Variants in MAP4 observed in about 807,000 individuals in gnomAD.
MAP4 encodes the protein microtubule-associated protein 4.
In MAP4, 76 loss-of-function variants were observed where a neutral mutation model predicts 170.2. The observed-to-expected ratio is 0.45, with a 90% CI of 0.37 to 0.54. The LOEUF (loss-of-function observed/expected upper bound fraction) is 0.54, where lower values mean the gene tolerates loss of function less well. MAP4 is among the 20% of genes least tolerant of loss of function. MAP4 has a pLI of 0.00. For missense variants in MAP4, 2,506 were observed against 2,748.0 expected, an observed-to-expected ratio of 0.91 and a Z score of 1.97; for synonymous variants, 909 against 994.5, an observed-to-expected ratio of 0.91 and a Z score of 1.62.
chr3:48,027,643 G>A (rs940758706), intron 1 of MAP4, among the ~76,000 whole-genome samples: 42 of 152,002 alleles, frequency 2.8e-4, no homozygotes, highest in Admixed American at 2.1e-3. Flanking sequence ...CCAGGGGCTC[G>A]AGACCAGCCT....
intron 4 of MAP4, among the ~76,000 whole-genome samples, chr3:47,928,006 A>G (rs1412906092): frequency 2.0e-5 from 3 of 152,216 alleles, no homozygotes; most frequent in South Asian, 2.1e-4. Context: ...TATGAATTTC[A>G]CATAATGTAT....
chr3:47,882,110 C>G (rs2096862905), intron 10 of MAP4, among the ~76,000 whole-genome samples: 2 of 152,094 alleles, frequency 1.3e-5, no homozygotes, highest in Non-Finnish European at 2.9e-5. Context: ...GAAACCCCAT[C>G]TCTACTAAAA....
chr3:48,029,393 G>A (rs575499412), intron 1 of MAP4, among the ~76,000 whole-genome samples: 76 of 151,952 alleles, frequency 5.0e-4, no homozygotes, highest in Admixed American at 1.8e-3. Flanking sequence ...CCGAGATGGC[G>A]CCACTGAACT....
chr3:48,082,570 G>GGC (rs2100147131), intron 1 of MAP4, among the ~76,000 whole-genome samples: 1 of 152,304 alleles, frequency 6.6e-6, no homozygotes, highest in East Asian at 1.9e-4. Context: ...CGGAGGATGA[G>GGC]GCCGGTGGAC....
chr3:47,908,828 T>C (rs2100034483), intron 9 of MAP4, among the ~76,000 whole-genome samples: 1 of 152,180 alleles, frequency 6.6e-6, no homozygotes, highest in African/African-American at 2.4e-5. Context: ...AAAAAAGGCA[T>C]GCAACCAAGT....
intron 11 of MAP4, 58 bp from the exon 12 acceptor site, chr3:47,875,958 A>C: frequency 8.1e-7 from 1 of 1,231,374 alleles, no homozygotes; most frequent in Non-Finnish European, 1.2e-6. Flanking sequence ...AACATCAAAC[A>C]GACAAGAATA....
chr3:47,916,788 C>A lies in MAP4; in HGVS notation c.1039G>T (p.Asp347Tyr), dbSNP rs754284785. The A allele has an allele frequency of 6.2e-7, 1 of 1,614,080 alleles. No individual in the cohort carries two copies. The highest frequency in any genetic ancestry group is 1.3e-5 in the African/African-American group (1 of 74,912). The change falls in exon 7 of 21, where the codon GAT (aspartate) becomes TAT (tyrosine). Residue 347 changes from aspartate to tyrosine, a missense_variant. Physicochemically the swap from Asp to Tyr is radical, Grantham distance 160. This residue lies in a region of MAP4 where 2,008 missense variants were observed against 2,206.0 expected (regional missense o/e 0.91). Transcript: ENST00000683076. ...PTETEVAPAK[D>Y]VTLLKETERA... is the part of the protein sequence containing the mutation. ...TCTGTTTCTTTCAACAGTGTCACATCCTTGGCTGGGGCTACCTCTGTTTCT... is the reference window on the plus strand; with the variant it reads ...TCTGTTTCTTTCAACAGTGTCACATACTTGGCTGGGGCTACCTCTGTTTCT...
intron 1 of MAP4, among the ~76,000 whole-genome samples, chr3:48,055,514 T>TG: frequency 6.8e-6 from 1 of 146,606 alleles, no homozygotes; most frequent in South Asian, 2.3e-4. Context: ...TGCTCAATGG[T>TG]GCCCAGGCTG....
At chr3:48,016,937 C>T (rs146890590), upstream of MAP4, among the ~76,000 whole-genome samples, 7 of 152,238 alleles carry the variant, frequency 4.6e-5, no homozygotes, top group South Asian at 2.1e-4. Flanking sequence ...CACCACCATG[C>T]CTGGCTAATT....
rs796546526 is a variant in MAP4 at position 47,979,623 on chromosome 3, A to AT, written c.224-1691dup. On this transcript the variant is annotated intron_variant, in intron 2 of 20. Transcript: ENST00000683076. ...AGGCACGTGCCACCACGTCCAGCTA[A>AT]TTTTTTTTTGTATTTTTAGTAGAGA... Among the ~76,000 whole-genome samples the AT allele has an allele frequency of 1.5e-3, 229 of 150,870 alleles. 1 individual carries two copies. Among genetic ancestry groups the AT allele is most frequent in the African/African-American group, 5.1e-3 (211 of 41,112 alleles).
intron 1 of MAP4, among the ~76,000 whole-genome samples, chr3:48,030,170 T>C (rs958467128): frequency 6.6e-6 from 1 of 150,972 alleles, no homozygotes; most frequent in East Asian, 1.9e-4. Context: ...GGGAGGATCA[T>C]CTAAGGCTAA....
intron 2 of MAP4, among the ~76,000 whole-genome samples, chr3:47,987,976 C>T (rs111778997): frequency 2.0e-5 from 3 of 152,078 alleles, no homozygotes; most frequent in African/African-American, 7.2e-5. Flanking sequence ...GGGCGGATCA[C>T]GAGGTCAGGA....
Position 47,916,816 on chromosome 3 carries a change from G to A in MAP4, c.1011C>T (p.Pro337=). Residue 337 remains proline, a synonymous_variant, in exon 7 of 21, where the codon CCC becomes CCT. Coordinates refer to ENST00000683076, the MANE Select transcript of MAP4 (RefSeq NM_001385682.1). ...TGGCTGGGGCTACCTCTGTTTCTGTGGGCAGTACCACATTCTTGGCTGAAG... is the reference window on the plus strand; with the variant it reads ...TGGCTGGGGCTACCTCTGTTTCTGTAGGCAGTACCACATTCTTGGCTGAAG... ...DVSSAKNVVL[P]TETEVAPAKD... is the part of the protein sequence containing the mutation. The A allele has an allele frequency of 6.2e-7, 1 of 1,614,156 alleles. No homozygotes were observed. Among genetic ancestry groups the A allele is most frequent in the African/African-American group, 1.3e-5 (1 of 75,016 alleles).
intron 3 of MAP4, among the ~76,000 whole-genome samples, chr3:47,935,376 A>C (rs2100052136): frequency 6.6e-6 from 1 of 152,232 alleles, no homozygotes; most frequent in South Asian, 2.1e-4. Flanking sequence ...AACCAAGAGC[A>C]TATCACTTTG....
intron 11 of MAP4, 33 bp from the exon 12 acceptor site, chr3:47,875,933 T>C (rs1032164428): frequency 6.6e-6 from 10 of 1,507,478 alleles, no homozygotes; most frequent in Admixed American, 2.2e-5. Flanking sequence ...TTTTTATTTT[T>C]ATTTTTTAAA....
chr3:47,947,420 C>T lies in MAP4; in HGVS notation c.293-19070G>A, dbSNP rs117625972. 1.8e-4 allele frequency among the ~76,000 whole-genome samples: 27 copies of T among 152,284 alleles called. No homozygotes were observed. In the East Asian group the frequency reaches 5.0e-3, roughly 28 times the overall value. ...TAATCCCTGGTCCTCTCATTCAACA[C>T]TCAACCTTGGGTACCTTTCTTTCCT... On this transcript the variant is annotated intron_variant, in intron 3 of 20. Transcript: ENST00000683076.
intron 1 of MAP4, among the ~76,000 whole-genome samples, chr3:48,030,039 T>C (rs1357316434): frequency 6.8e-6 from 1 of 147,502 alleles, no homozygotes; most frequent in Admixed American, 6.8e-5. Context: ...TCATATGTAA[T>C]ATTATGTATT....
intron 1 of MAP4, among the ~76,000 whole-genome samples, chr3:48,028,299 G>A (rs915397554): frequency 1.3e-5 from 2 of 152,030 alleles, no homozygotes; most frequent in African/African-American, 4.8e-5. Context: ...CTCTGGGGGG[G>A]GAGGGAAATT....
rs1163565065 is a variant in MAP4 at position 47,916,797 on chromosome 3, G to A, written c.1030C>T (p.Pro344Ser). 6.2e-7 allele frequency: 1 copy of A among 1,614,140 alleles called. No individual in the cohort carries two copies. Among genetic ancestry groups the A allele is most frequent in the South Asian group, 1.1e-5 (1 of 91,076 alleles). Residue 344 changes from proline (P) to serine (S), a missense_variant, in exon 7 of 21, where the codon CCA becomes TCA. Pro to Ser is a moderately conservative substitution (Grantham distance 74). Around this residue, in one of 3 missense-constraint regions of MAP4, gnomAD observed 2,008 missense variants for 2,206.0 expected, o/e 0.91. Transcript: ENST00000683076. ...VVLPTETEVA[P>S]AKDVTLLKET... ...TTCAACAGTGTCACATCCTTGGCTG[G>A]GGCTACCTCTGTTTCTGTGGGCAGT...
Sources: gnomAD v4.1 joint callset for allele counts (sites outside exome capture counted in the v4.1 genomes callset) on GRCh38, gnomAD v4.1.1 for gene constraint, gnomAD v4.1.1 regional missense constraint, MANE v1.5 for transcripts, NCBI Gene and HGNC (gene_info 2026-07-23, HGNC 2026-07-21) for gene names.